ZCCHC4: variants seen among roughly 807,000 people sequenced by gnomAD.
The protein encoded by ZCCHC4 is rRNA N(6)-adenosine-methyltransferase ZCCHC4.
In ZCCHC4, 54 loss-of-function variants were observed where a neutral mutation model predicts 67.7. That is an observed-to-expected ratio of 0.80 (90% CI 0.64 to 1.00). The LOEUF (loss-of-function observed/expected upper bound fraction) is 1.00, where lower values mean the gene tolerates loss of function less well. Among genes scored for constraint, ZCCHC4 ranks in the 50% least tolerant of loss-of-function variants. ZCCHC4 has a pLI of 0.00. For synonymous variants in ZCCHC4, 198 were observed against 213.5 expected (o/e 0.93, Z 0.63); for missense variants, 609 against 617.0 (o/e 0.99, Z 0.14).
chr4:25,358,682 C>T (rs1440683345), intron 8 of ZCCHC4, among the ~76,000 whole-genome samples: 4 of 152,316 alleles, frequency 2.6e-5, no homozygotes, highest in East Asian at 1.9e-4. Context: ...GCTTTCCAGC[C>T]GCAGCATGAC....
At chr4:25,353,472 C>T (rs1205642759) in intron 8 of ZCCHC4, among the ~76,000 whole-genome samples, 1 of 152,200 alleles carries the variant, frequency 6.6e-6, no homozygotes, top group East Asian at 1.9e-4. Flanking sequence ...AGGGATGCTT[C>T]TAGTATTGAC....
chr4:25,354,636 TTTTTC>T (rs2109086087), intron 8 of ZCCHC4, among the ~76,000 whole-genome samples: 1 of 152,262 alleles, frequency 6.6e-6, no homozygotes, highest in African/African-American at 2.4e-5. Flanking sequence ...TGCTTTCCTC[TTTTTC>T]TTTTGTTACT....
chr4:25,328,394 C>G (rs1375328489), intron 3 of ZCCHC4, among the ~76,000 whole-genome samples: 2 of 152,192 alleles, frequency 1.3e-5, no homozygotes, highest in Admixed American at 1.3e-4. Context: ...CACCCACCAC[C>G]ATGCCCAGCT....
chr4:25,350,225 C>T (rs1427568357), intron 7 of ZCCHC4, among the ~76,000 whole-genome samples: 10 of 149,174 alleles, frequency 6.7e-5, no homozygotes, highest in African/African-American at 2.5e-4. Flanking sequence ...GTGACTTAGC[C>T]GTGTACGGTC....
intron 5 of ZCCHC4, among the ~76,000 whole-genome samples, chr4:25,340,962 G>A (rs1014367349): frequency 6.6e-6 from 1 of 151,622 alleles, no homozygotes; most frequent in Non-Finnish European, 1.5e-5. Context: ...AGACCTTTAC[G>A]GTGACCCACT....
intron 8 of ZCCHC4, among the ~76,000 whole-genome samples, chr4:25,355,976 T>C (rs893338762): frequency 3.9e-5 from 6 of 152,228 alleles, no homozygotes; most frequent in Non-Finnish European, 8.8e-5. Flanking sequence ...CTCTGTCTTA[T>C]TTAATCTTTC....
Position 25,349,645 on chromosome 4 carries a change from G to T in ZCCHC4, c.910+3G>T. Reference sequence around the variant, plus strand: ...GTGGAAAGAAGGTCAAAGCCAAGGTGTATAATTTATTACTGCAAAATAAAT... The same window carrying T: ...GTGGAAAGAAGGTCAAAGCCAAGGTTTATAATTTATTACTGCAAAATAAAT... On this transcript the variant is annotated splice_donor_region_variant and intron_variant, in intron 7 of 12. Transcript: ENST00000302874. The T allele has an allele frequency of 6.2e-7, 1 of 1,612,822 alleles. No individual in the cohort carries two copies. The highest frequency in any genetic ancestry group is 8.5e-7 in the Non-Finnish European group (1 of 1,179,492).
intron 7 of ZCCHC4, 63 bp downstream of exon 7, chr4:25,349,705 G>A (rs1468221771): frequency 2.6e-6 from 4 of 1,532,366 alleles, no homozygotes; most frequent in African/African-American, 2.8e-5. Flanking sequence ...TCAAATATTA[G>A]CTGAGCTCAG....
intron 3 of ZCCHC4, among the ~76,000 whole-genome samples, chr4:25,331,774 CTTTTTCTTTCTAG>C (rs1216045676): frequency 1.3e-5 from 2 of 152,158 alleles, no homozygotes; most frequent in Non-Finnish European, 2.9e-5. Flanking sequence ...CCTCTATCTC[CTTTTTCTTTCTAG>C]TTTTAGATAA....
At position 25,345,550 on chromosome 4, in the gene ZCCHC4, A is replaced by G. The variant is rs1306005156; in HGVS notation, c.689A>G (p.Tyr230Cys). Residue 230 changes from tyrosine (Y) to cysteine (C), a missense_variant and splice_region_variant, in exon 6 of 13, where the codon TAT becomes TGT. Tyr to Cys is a radical substitution (Grantham distance 194). Coordinates refer to ENST00000302874, the MANE Select transcript of ZCCHC4 (RefSeq NM_024936.3). Reference protein sequence around the residue: ...KSLLLDIDFRYSQFYMEDSFC... With the variant: ...KSLLLDIDFRCSQFYMEDSFC... ...ATAACTCTGTAATTATTTTACAGGT[A>G]TTCACAGTTTTATATGGAAGATAGC... is the stretch of plus-strand genomic sequence containing the variant. The G allele has an allele frequency of 6.7e-7, 1 of 1,487,572 alleles. No homozygotes were observed. The highest frequency in any genetic ancestry group is 1.4e-5 in the African/African-American group (1 of 72,500). 92.1% of individuals were successfully genotyped at this position (1,487,572 alleles called of 1,614,324 possible). A position where few individuals can be genotyped will look rare whatever the true frequency, so the allele number is the denominator to read the frequency against.
intron 8 of ZCCHC4, among the ~76,000 whole-genome samples, chr4:25,360,135 G>A (rs1388113020): frequency 6.6e-6 from 1 of 152,254 alleles, no homozygotes; most frequent in East Asian, 1.9e-4. Flanking sequence ...GACTTTCATA[G>A]TGTTGCCGCA....
At chr4:25,337,864 T>C (rs1194451351) in intron 5 of ZCCHC4, among the ~76,000 whole-genome samples, 6 of 152,242 alleles carry the variant, frequency 3.9e-5, no homozygotes. Flanking sequence ...CTATTTTTAG[T>C]GGACTTACTT....
chr4:25,351,610 C>T lies in ZCCHC4; in HGVS notation c.932C>T (p.Pro311Leu). 1 of 1,610,978 alleles carries T rather than the reference C, an allele frequency of 6.2e-7. No homozygotes were observed. Among genetic ancestry groups the T allele is most frequent in the East Asian group, 2.2e-5 (1 of 44,754 alleles). ...QSQDDSHKEL[P>L]IFWIFPYFFE... ...TTAGATGACAGTCACAAAGAACTAC[C>T]CATTTTCTGGATTTTCCCCTATTTT... is the stretch of plus-strand genomic sequence containing the variant. Residue 311 changes from proline to leucine, a missense_variant, in exon 8 of 13, where the codon CCC becomes CTC. Pro to Leu is a moderately conservative substitution (Grantham distance 98, BLOSUM62 -3). Coordinates refer to ENST00000302874, the MANE Select transcript of ZCCHC4 (RefSeq NM_024936.3).
chr4:25,346,574 G>A (rs1720032218), intron 6 of ZCCHC4, among the ~76,000 whole-genome samples: 1 of 152,152 alleles, frequency 6.6e-6, no homozygotes, highest in Non-Finnish European at 1.5e-5. Context: ...TTCAGGAAAT[G>A]AAAACAAATG....
intron 5 of ZCCHC4, among the ~76,000 whole-genome samples, chr4:25,345,226 A>G (rs1430168455): frequency 6.6e-6 from 1 of 152,184 alleles, no homozygotes; most frequent in Middle Eastern, 3.2e-3. Context: ...TTAATTGCCA[A>G]CCCATTGCAA....
Position 25,351,691 on chromosome 4 carries a change from T to A in ZCCHC4, c.1011+2T>A. 6.2e-7 allele frequency: 1 copy of A among 1,602,128 alleles called. No homozygotes were observed. Among genetic ancestry groups the A allele is most frequent in the Non-Finnish European group, 8.5e-7 (1 of 1,171,724 alleles). ...AGCTTCCAGATGCTGGATTACCAGG[T>A]AGAGTACATATTCTGTTTTCTGGCA... On this transcript the variant is annotated splice_donor_variant, in intron 8 of 12. Transcript: ENST00000302874. LOFTEE classifies it high-confidence loss of function.
At chr4:25,344,663 C>T (rs1719917576) in intron 5 of ZCCHC4, among the ~76,000 whole-genome samples, 1 of 151,474 alleles carries the variant, frequency 6.6e-6, no homozygotes, top group South Asian at 2.1e-4. Context: ...GTTAGCAAAA[C>T]AAAATAATTC....
rs1718889440 is a variant in ZCCHC4 at position 25,326,434 on chromosome 4, C to T, written c.330-6749C>T. 2.6e-5 allele frequency among the ~76,000 whole-genome samples: 4 copies of T among 152,218 alleles called. No individual in the cohort carries two copies. In the South Asian group the frequency reaches 8.3e-4, roughly 31 times the overall value. ...TGTGTATTCACAGGTTCCATATTCT[C>T]TTTGGTAGGATGTGGGGAGTGAGGG... On this transcript the variant is annotated intron_variant, in intron 3 of 12. Coordinates refer to ENST00000302874, the MANE Select transcript of ZCCHC4 (RefSeq NM_024936.3).
At chr4:25,358,375 A>G (rs1469853958) in intron 8 of ZCCHC4, among the ~76,000 whole-genome samples, 1 of 152,228 alleles carries the variant, frequency 6.6e-6, no homozygotes, top group African/African-American at 2.4e-5. Flanking sequence ...CACACACAGA[A>G]TGGGAAACCC....
Sources: gnomAD v4.1 joint callset for allele counts (sites outside exome capture counted in the v4.1 genomes callset) on GRCh38, gnomAD v4.1.1 for gene constraint, MANE v1.5 for transcripts, NCBI Gene and HGNC (gene_info 2026-07-23, HGNC 2026-07-21) for gene names.